TNFRSF9: variants seen among roughly 807,000 people sequenced by gnomAD.
TNFRSF9 encodes the protein tumor necrosis factor receptor superfamily member 9.
Under a neutral mutation model 28.8 loss-of-function variants are expected in TNFRSF9, and 16 were observed. That is an observed-to-expected ratio of 0.55 (90% confidence interval 0.38 to 0.84). The LOEUF is 0.84. Among genes scored for constraint, TNFRSF9 ranks in the 40% least tolerant of loss-of-function variants. TNFRSF9 has a pLI of 0.00. For synonymous variants in TNFRSF9, 131 were observed against 117.0 expected, an observed-to-expected ratio of 1.12 and a Z score of -0.77; for missense variants, 303 against 315.0, an observed-to-expected ratio of 0.96 and a Z score of 0.29.
chr1:7,938,161 A>G, intron 4 of TNFRSF9, 32 bp downstream of exon 4: 1 of 1,530,020 alleles, frequency 6.5e-7, no homozygotes, highest in Non-Finnish European at 8.8e-7. Context: ...TATGTCACAA[A>G]ACTACACTAG....
Position 7,934,017 on chromosome 1 carries a change from C to A in TNFRSF9, c.545-721G>T, listed in dbSNP as rs991353667. Among the ~76,000 whole-genome samples, 4 of 150,992 alleles carry A rather than the reference C, an allele frequency of 2.6e-5. No individual in the cohort carries two copies. The South Asian group carries it at 8.4e-4, about 32-fold the overall frequency. On this transcript the variant is annotated intron_variant, in intron 6 of 7. Transcript: ENST00000377507. ...GGGTGACAGAGAGAGACTCTGTCCACCCCCCCAAAAAAATAAAAGAAACTT... is the reference window on the plus strand; with the variant it reads ...GGGTGACAGAGAGAGACTCTGTCCAACCCCCCAAAAAAATAAAAGAAACTT...
At chr1:7,924,844 C>G (rs1194711019) in intron 7 of TNFRSF9, among the ~76,000 whole-genome samples, 3 of 151,936 alleles carry the variant, frequency 2.0e-5, no homozygotes, top group Non-Finnish European at 4.4e-5. Flanking sequence ...GTGTTCGTGT[C>G]TTAGTTTTTC....
chr1:7,934,519 GC>G (rs1018601179), intron 6 of TNFRSF9, among the ~76,000 whole-genome samples: 14 of 151,982 alleles, frequency 9.2e-5, no homozygotes, highest in Admixed American at 5.9e-4. Context: ...GACCAGACTG[GC>G]CAGCATGGTG....
At chr1:7,924,216 C>T (rs1639602970) in intron 7 of TNFRSF9, among the ~76,000 whole-genome samples, 1 of 149,460 alleles carries the variant, frequency 6.7e-6, no homozygotes, top group African/African-American at 2.5e-5. Flanking sequence ...TAATCCTTGA[C>T]AATGACAATA....
intron 1 of TNFRSF9, 41 bp from the exon 2 acceptor site, chr1:7,940,119 T>C: frequency 4.7e-6 from 3 of 634,466 alleles, no homozygotes; most frequent in Non-Finnish European, 8.2e-6. Context: ...TGGTTTCTCC[T>C]TTCAAAATTA....
At chr1:7,924,518 T>C (rs1031435772) in intron 7 of TNFRSF9, among the ~76,000 whole-genome samples, 2 of 151,752 alleles carry the variant, frequency 1.3e-5, no homozygotes, top group Non-Finnish European at 2.9e-5. Flanking sequence ...TCCCAGCTAC[T>C]CGGGAGGCTG....
intron 7 of TNFRSF9, among the ~76,000 whole-genome samples, chr1:7,927,646 G>A (rs1337521948): frequency 2.0e-5 from 3 of 150,838 alleles, no homozygotes; most frequent in Admixed American, 1.3e-4. Flanking sequence ...CAGCCTGGGT[G>A]ACAAAGCAGA....
chr1:7,933,088 TAAAATCA>T, intron 7 of TNFRSF9, 67 bp downstream of exon 7: 1 of 1,514,108 alleles, frequency 6.6e-7, no homozygotes, highest in Non-Finnish European at 8.8e-7. Context: ...GAATTTTTTT[TAAAATCA>T]TATTTTCCTT....
At chr1:7,925,537 C>T (rs1639639185) in intron 7 of TNFRSF9, among the ~76,000 whole-genome samples, 1 of 152,048 alleles carries the variant, frequency 6.6e-6, no homozygotes. Context: ...CAGGATGATT[C>T]AAGCACATTA....
chr1:7,929,746 G>A (rs1265588140), intron 7 of TNFRSF9, among the ~76,000 whole-genome samples: 1 of 152,092 alleles, frequency 6.6e-6, no homozygotes, highest in African/African-American at 2.4e-5. Context: ...CTGTGGTGAT[G>A]GATAGTTCTG....
At chr1:7,930,217 C>T (rs1465058914) in intron 7 of TNFRSF9, among the ~76,000 whole-genome samples, 2 of 152,054 alleles carry the variant, frequency 1.3e-5, no homozygotes, top group Admixed American at 1.3e-4. Flanking sequence ...ATCTGCCCGC[C>T]TCAGCCCCCC....
At chr1:7,934,565 C>T (rs1028502782) in intron 6 of TNFRSF9, among the ~76,000 whole-genome samples, 2 of 151,544 alleles carry the variant, frequency 1.3e-5, no homozygotes, top group African/African-American at 2.4e-5. Flanking sequence ...AAAAATTAGC[C>T]GGGCGTGGTG....
chr1:7,934,718 AAAAG>A (rs1639792278), intron 6 of TNFRSF9, among the ~76,000 whole-genome samples: 1 of 151,878 alleles, frequency 6.6e-6, no homozygotes, highest in South Asian at 2.1e-4. Flanking sequence ...AAAACAAAAA[AAAAG>A]AAAAGAAAAG....
chr1:7,933,004 A>G, intron 7 of TNFRSF9, 158 bp downstream of exon 7: 6 of 830,460 alleles, frequency 7.2e-6, no homozygotes, highest in Non-Finnish European at 9.3e-6. Flanking sequence ...AACTGTCTCC[A>G]GACACTGCAA....
At chr1:7,931,820 C>T (rs950361025) in intron 7 of TNFRSF9, among the ~76,000 whole-genome samples, 1 of 152,178 alleles carries the variant, frequency 6.6e-6, no homozygotes, top group African/African-American at 2.4e-5. Flanking sequence ...TTAAAAAGAG[C>T]CTTTAAATAC....
intron 3 of TNFRSF9, 68 bp from the exon 4 acceptor site, chr1:7,938,398 G>C: frequency 6.9e-7 from 1 of 1,444,018 alleles, no homozygotes; most frequent in Non-Finnish European, 9.2e-7. Flanking sequence ...GCGAATTTAT[G>C]CTCTGCAGTA....
At chr1:7,937,604 A>G (rs1169937913) in intron 5 of TNFRSF9, 86 bp downstream of exon 5, 1 of 1,135,768 alleles carries the variant, frequency 8.8e-7, no homozygotes, top group East Asian at 2.4e-5. Flanking sequence ...GATGGGTGCA[A>G]AAAAGCTTCA....
rs1578066765 is a variant in TNFRSF9, at chr1:7,916,894, A to G, written c.*3941T>C. The G allele has an allele frequency of 1.3e-5, 2 of 152,314 alleles. No individual in the cohort carries two copies. Among genetic ancestry groups the G allele is most frequent in the South Asian group, 4.1e-4 (2 of 4,832 alleles). The allele number at this position is 152,314 out of a possible 1,614,324, so 9.4% of individuals were successfully genotyped here. A position where few individuals can be genotyped will look rare whatever the true frequency, so the allele number is the denominator to read the frequency against. The stretch of plus-strand genomic sequence containing the variant: ...TTCAAATTCAGCTTCTAAAATTTAT[A>G]TTGAATAATAAAGAACCAAGAATAA... On this transcript the variant is annotated 3_prime_UTR_variant, in exon 8 of 8. Transcript: ENST00000377507.
intron 4 of TNFRSF9, 25 bp downstream of exon 4, chr1:7,938,168 C>A: frequency 6.4e-7 from 1 of 1,553,642 alleles, no homozygotes; most frequent in Non-Finnish European, 8.7e-7. Flanking sequence ...CAAAACTACA[C>A]TAGATCAAAG....
Sources: allele counts gnomAD v4.1 joint callset (sites outside exome capture counted in the v4.1 genomes callset), GRCh38; gene constraint gnomAD v4.1.1; transcripts MANE v1.5; gene names NCBI Gene and HGNC (gene_info 2026-07-23, HGNC 2026-07-21).